The following KCNB2 variants were observed in gnomAD, a reference collection of about 807,000 sequenced individuals.
KCNB2 encodes the protein delayed rectifier potassium channel protein.
Under a neutral mutation model 61.5 loss-of-function variants are expected in KCNB2, and 15 were observed. The ratio of observed to expected loss-of-function variants is 0.24; its 90% confidence interval spans 0.16 to 0.38. The LOEUF is 0.38. Ranked by LOEUF, KCNB2 falls within the 10% of genes least tolerant of loss-of-function variation. The pLI is 1.00. For synonymous variants in KCNB2, 457 were observed against 446.0 expected (o/e 1.02, Z -0.31); for missense variants, 828 against 1,125.2 (o/e 0.74, Z 3.78).
chr8:72,755,674 C>A (rs2128996033), intron 2 of KCNB2, among the ~76,000 whole-genome samples: 1 of 152,292 alleles, frequency 6.6e-6, no homozygotes, highest in African/African-American at 2.4e-5. Context: ...CCCGACAGTA[C>A]ACAATTCTAG....
intron 2 of KCNB2, among the ~76,000 whole-genome samples, chr8:72,568,920 AT>A (rs534238596): frequency 0.01 from 1,463 of 145,516 alleles, 9 homozygotes; most frequent in African/African-American, 0.025. Context: ...CTGACTGTTA[AT>A]TTTTTTTTTT....
intron 1 of KCNB2, among the ~76,000 whole-genome samples, chr8:72,541,007 A>T (rs931705534): frequency 4.0e-5 from 6 of 151,398 alleles, no homozygotes; most frequent in Non-Finnish European, 8.9e-5. Flanking sequence ...GGGGAAAAAA[A>T]CTTGAAAAAC....
At chr8:72,918,309 G>A (rs922413184) in intron 2 of KCNB2, among the ~76,000 whole-genome samples, 1 of 152,172 alleles carries the variant, frequency 6.6e-6, no homozygotes, top group East Asian at 1.9e-4. Context: ...TAGACTTTCA[G>A]AAGCAAACAC....
intron 2 of KCNB2, among the ~76,000 whole-genome samples, chr8:72,821,628 A>T (rs1809508185): frequency 1.1e-5 from 1 of 92,676 alleles, no homozygotes; most frequent in African/African-American, 4.5e-5. Flanking sequence ...CTACACACAC[A>T]CACAAAAAAA....
At position 72,835,854 on chromosome 8, in the gene KCNB2, A is replaced by G. The variant is rs142292559; in HGVS notation, c.580-100081A>G. Among the ~76,000 whole-genome samples, 311 of 152,290 alleles carry G rather than the reference A, an allele frequency of 2.0e-3. 1 individual carries two copies. Among genetic ancestry groups the G allele is most frequent in the Middle Eastern group, 6.8e-3 (2 of 294 alleles). ...ATCCTACTGATGCTCATTACATTCA[A>G]CAGGTGCTGCGCTAGCTGTGAACCT... is the stretch of plus-strand genomic sequence containing the variant. On this transcript the variant is annotated intron_variant, in intron 2 of 2. Transcript: ENST00000523207.
rs148702843 is a variant in KCNB2, at chr8:72,653,504, T to C, written c.579+85191T>C. Among the ~76,000 whole-genome samples, 81 of 152,282 alleles carry C rather than the reference T, an allele frequency of 5.3e-4. 1 individual carries two copies. Among genetic ancestry groups the C allele is most frequent in the African/African-American group, 1.9e-3 (78 of 41,562 alleles). On this transcript the variant is annotated intron_variant, in intron 2 of 2. Coordinates refer to ENST00000523207, the MANE Select transcript of KCNB2 (RefSeq NM_004770.3). ...TCACCTGCCGTATCATTGGGTATTATTTATTTTTTGTTTATTGATTCTTCT... is the reference window on the plus strand; with the variant it reads ...TCACCTGCCGTATCATTGGGTATTACTTATTTTTTGTTTATTGATTCTTCT...
chr8:72,586,965 T>C (rs1213947916), intron 2 of KCNB2, among the ~76,000 whole-genome samples: 1 of 152,210 alleles, frequency 6.6e-6, no homozygotes, highest in African/African-American at 2.4e-5. Context: ...TTCTCAAACT[T>C]GGTGTTGGCC....
At position 72,575,638 on chromosome 8, in the gene KCNB2, A is replaced by G. The variant is rs541710628; in HGVS notation, c.579+7325A>G. Among the ~76,000 whole-genome samples the G allele has an allele frequency of 3.0e-4, 46 of 152,294 alleles. 1 individual carries two copies. Among genetic ancestry groups the G allele is most frequent in the African/African-American group, 1.1e-3 (45 of 41,582 alleles). The stretch of plus-strand genomic sequence containing the variant: ...ATAAATTGAGTCATGGAAACTAAAC[A>G]GCTTTGGGCACTTTATTAATTTTTA... On this transcript the variant is annotated intron_variant, in intron 2 of 2. Coordinates refer to ENST00000523207, the MANE Select transcript of KCNB2 (RefSeq NM_004770.3).
At chr8:72,830,227 CAAA>C (rs543474001) in intron 2 of KCNB2, among the ~76,000 whole-genome samples, 3 of 83,424 alleles carry the variant, frequency 3.6e-5, no homozygotes, top group African/African-American at 8.2e-5. Flanking sequence ...TCATATTTTC[CAAA>C]AAAAAAAAAA....
chr8:72,760,071 CCTT>C (rs1808352158), intron 2 of KCNB2, among the ~76,000 whole-genome samples: 1 of 152,172 alleles, frequency 6.6e-6, no homozygotes, highest in Non-Finnish European at 1.5e-5. Flanking sequence ...CTTACTTTGT[CCTT>C]CTTTGGGGCT....
At chr8:72,831,101 G>A (rs903763903) in intron 2 of KCNB2, among the ~76,000 whole-genome samples, 11 of 152,138 alleles carry the variant, frequency 7.2e-5, no homozygotes, top group African/African-American at 1.2e-4. Context: ...TTGGCCTTGC[G>A]CCTCATGCCG....
intron 2 of KCNB2, among the ~76,000 whole-genome samples, chr8:72,685,340 G>C (rs1256761327): frequency 1.3e-5 from 2 of 151,898 alleles, no homozygotes; most frequent in African/African-American, 4.8e-5. Flanking sequence ...TAAAACATAA[G>C]TTCATAAGGA....
intron 2 of KCNB2, among the ~76,000 whole-genome samples, chr8:72,587,740 A>G (rs571800601): frequency 1.2e-4 from 18 of 150,768 alleles, no homozygotes; most frequent in African/African-American, 3.5e-4. Flanking sequence ...TCTCAATGGG[A>G]AAAAAAAGGA....
intron 2 of KCNB2, among the ~76,000 whole-genome samples, chr8:72,883,603 C>T (rs958079809): frequency 1.9e-4 from 29 of 152,106 alleles, no homozygotes; most frequent in Non-Finnish European, 3.7e-4. Context: ...TTGTTTTTTT[C>T]TAAGGAATAA....
chr8:72,719,055 G>C (rs1585850993), intron 2 of KCNB2, among the ~76,000 whole-genome samples: 1 of 152,032 alleles, frequency 6.6e-6, no homozygotes, highest in Non-Finnish European at 1.5e-5. Context: ...CATCTGAAGA[G>C]AGGCAACAGT....
At chr8:72,712,047 A>C (rs1456064439) in intron 2 of KCNB2, among the ~76,000 whole-genome samples, 1 of 152,218 alleles carries the variant, frequency 6.6e-6, no homozygotes, top group Non-Finnish European at 1.5e-5. Context: ...TACTTATTTA[A>C]TATGTTACTT....
intron 2 of KCNB2, among the ~76,000 whole-genome samples, chr8:72,777,139 CCT>C (rs1808669849): frequency 6.6e-6 from 1 of 152,164 alleles, no homozygotes; most frequent in Non-Finnish European, 1.5e-5. Flanking sequence ...CTTCTCTCTT[CCT>C]CTTTTTGTAG....
intron 2 of KCNB2, among the ~76,000 whole-genome samples, chr8:72,723,756 A>G (rs1173788381): frequency 6.6e-6 from 1 of 152,168 alleles, no homozygotes; most frequent in Non-Finnish European, 1.5e-5. Flanking sequence ...CCTGTTGGAC[A>G]TGCACTCTTT....
chr8:72,686,498 C>T lies in KCNB2; in HGVS notation c.579+118185C>T, dbSNP rs552315884. 2.0e-5 allele frequency among the ~76,000 whole-genome samples: 3 copies of T among 152,150 alleles called. 1 individual carries two copies. In the South Asian group the frequency reaches 6.2e-4, roughly 32 times the overall value. ...AAAGTACTGGGATTACAGGCATGCACCACCACACCTGGCCAGGCAATTTTC... is the reference window on the plus strand; with the variant it reads ...AAAGTACTGGGATTACAGGCATGCATCACCACACCTGGCCAGGCAATTTTC... On this transcript the variant is annotated intron_variant, in intron 2 of 2. Coordinates refer to ENST00000523207, the MANE Select transcript of KCNB2 (RefSeq NM_004770.3).
Sources: gnomAD v4.1 joint callset for allele counts (sites outside exome capture counted in the v4.1 genomes callset) on GRCh38, gnomAD v4.1.1 for gene constraint, MANE v1.5 for transcripts, NCBI Gene and HGNC (gene_info 2026-07-23, HGNC 2026-07-21) for gene names.